The following LRMDA variants were observed in gnomAD, a reference collection of about 807,000 sequenced individuals.
LRMDA encodes leucine-rich melanocyte differentiation-associated protein.
Under a neutral mutation model 29.8 loss-of-function variants are expected in LRMDA, and 18 were observed. The observed-to-expected ratio is 0.60, with a 90% CI of 0.42 to 0.90. LRMDA has a LOEUF of 0.90. LRMDA is among the 40% of genes least tolerant of loss of function. The pLI is 0.00. For synonymous variants in LRMDA, 125 were observed against 109.4 expected (o/e 1.14, Z -0.89); for missense variants, 273 against 273.9 (o/e 1.00, Z 0.02).
intron 2 of LRMDA, among the ~76,000 whole-genome samples, chr10:75,907,309 A>G (rs1176085022): frequency 1.3e-5 from 2 of 152,234 alleles, no homozygotes; most frequent in Non-Finnish European, 2.9e-5. Flanking sequence ...CAGGGTAATG[A>G]TGATTTATAC....
At chr10:76,098,547 G>A (rs1344140466) in intron 5 of LRMDA, among the ~76,000 whole-genome samples, 11 of 151,950 alleles carry the variant, frequency 7.2e-5, no homozygotes, top group Admixed American at 7.2e-4. Context: ...ATCTTTCATT[G>A]CTGATATTGA....
chr10:75,468,797 C>T (rs1399519704), intron 2 of LRMDA, among the ~76,000 whole-genome samples: 3 of 152,002 alleles, frequency 2.0e-5, no homozygotes, highest in African/African-American at 4.8e-5. Flanking sequence ...CCATGGCGGC[C>T]GTCCAGCCTG....
intron 5 of LRMDA, among the ~76,000 whole-genome samples, chr10:76,248,603 G>A (rs1008301335): frequency 6.6e-6 from 1 of 152,204 alleles, no homozygotes; most frequent in Non-Finnish European, 1.5e-5. Flanking sequence ...GGAAGGACAT[G>A]GATCAAGGTG....
At chr10:75,460,745 AT>A (rs920668604) in intron 2 of LRMDA, among the ~76,000 whole-genome samples, 1 of 148,598 alleles carries the variant, frequency 6.7e-6, no homozygotes, top group Non-Finnish European at 1.5e-5. Flanking sequence ...ATGTCTCATG[AT>A]TTTTTTTTGG....
chr10:75,553,715 C>T (rs1456350939), intron 2 of LRMDA, among the ~76,000 whole-genome samples: 4 of 152,122 alleles, frequency 2.6e-5, no homozygotes, highest in Admixed American at 6.5e-5. Flanking sequence ...TAAAGCGCAC[C>T]TTTTAAGGAG....
At chr10:76,169,650 GC>G (rs1412200353) in intron 5 of LRMDA, among the ~76,000 whole-genome samples, 4 of 152,246 alleles carry the variant, frequency 2.6e-5, no homozygotes, top group Non-Finnish European at 1.5e-5. Context: ...CATAGTGGAG[GC>G]CTAATGACAG....
intron 2 of LRMDA, among the ~76,000 whole-genome samples, chr10:75,695,459 G>A (rs1042629483): frequency 1.3e-5 from 2 of 151,686 alleles, no homozygotes; most frequent in African/African-American, 4.8e-5. Flanking sequence ...TTGCCCCAGA[G>A]CTTTTTGAAA....
intron 2 of LRMDA, among the ~76,000 whole-genome samples, chr10:75,631,472 A>G (rs1158563649): frequency 6.6e-6 from 1 of 151,704 alleles, no homozygotes; most frequent in African/African-American, 2.4e-5. Flanking sequence ...CAACTCCCCA[A>G]ATCTCCCTTA....
At chr10:76,137,721 G>A (rs533481112) in intron 5 of LRMDA, among the ~76,000 whole-genome samples, 9 of 147,900 alleles carry the variant, frequency 6.1e-5, no homozygotes, top group Non-Finnish European at 1.0e-4. Flanking sequence ...CAAAAACAAC[G>A]AAATGCATTT....
intron 6 of LRMDA, among the ~76,000 whole-genome samples, chr10:76,464,607 T>C (rs906007435): frequency 6.6e-6 from 1 of 152,240 alleles, no homozygotes; most frequent in African/African-American, 2.4e-5. Flanking sequence ...GTTGGCCACC[T>C]TGTTGTTTAC....
At chr10:76,036,621 C>A (rs1283213452) in intron 3 of LRMDA, among the ~76,000 whole-genome samples, 1 of 152,116 alleles carries the variant, frequency 6.6e-6, no homozygotes, top group Admixed American at 6.6e-5. Context: ...GGGAAAGGAG[C>A]TAAGGTGGCA....
intron 2 of LRMDA, among the ~76,000 whole-genome samples, chr10:75,527,129 A>T (rs1017366142): frequency 5.3e-5 from 8 of 152,158 alleles, no homozygotes; most frequent in Non-Finnish European, 1.2e-4. Context: ...ATTATACAGT[A>T]TGTGGTATTT....
chr10:76,347,372 G>A (rs541556473), intron 6 of LRMDA, among the ~76,000 whole-genome samples: 1 of 152,110 alleles, frequency 6.6e-6, no homozygotes, highest in Non-Finnish European at 1.5e-5. Flanking sequence ...GGTATACTAC[G>A]CCAATAGCTT....
At chr10:75,843,101 T>C (rs1844569832) in intron 2 of LRMDA, among the ~76,000 whole-genome samples, 1 of 152,258 alleles carries the variant, frequency 6.6e-6, no homozygotes, top group Admixed American at 6.5e-5. Flanking sequence ...GCAGAAAGCC[T>C]GTCTCATTCA....
intron 2 of LRMDA, among the ~76,000 whole-genome samples, chr10:75,521,166 T>A (rs2915024): frequency 0.92 from 139,160 of 151,912 alleles, 64,006 homozygotes; most frequent in African/African-American, 0.98. Context: ...GGGGTCAGGC[T>A]CCCACTTGAG....
intron 2 of LRMDA, among the ~76,000 whole-genome samples, chr10:75,477,821 A>G (rs953843123): frequency 6.6e-6 from 1 of 152,256 alleles, no homozygotes; most frequent in African/African-American, 2.4e-5. Context: ...TGTGTCACCC[A>G]GGCACTGCTG....
chr10:75,621,218 A>ACCCC (rs1841179836), intron 2 of LRMDA, among the ~76,000 whole-genome samples: 1 of 129,998 alleles, frequency 7.7e-6, no homozygotes, highest in Admixed American at 8.4e-5. Context: ...ACACACACAC[A>ACCCC]CACACACCCA....
intron 2 of LRMDA, among the ~76,000 whole-genome samples, chr10:75,969,873 G>A (rs1026607492): frequency 4.6e-4 from 70 of 152,302 alleles, no homozygotes; most frequent in African/African-American, 1.6e-3. Flanking sequence ...ATGGACTGGG[G>A]TGAAACTTTG....
At chr10:75,750,998 C>A (rs912387075) in intron 2 of LRMDA, among the ~76,000 whole-genome samples, 11 of 152,322 alleles carry the variant, frequency 7.2e-5, no homozygotes, top group Middle Eastern at 3.4e-3. Context: ...CAGCCGAGAT[C>A]ACGCCACTGC....
Sources: allele counts gnomAD v4.1 joint callset (sites outside exome capture counted in the v4.1 genomes callset), GRCh38; gene constraint gnomAD v4.1.1; transcripts MANE v1.5; gene names NCBI Gene and HGNC (gene_info 2026-07-23, HGNC 2026-07-21).